The following R3HDML variants were observed in gnomAD, a reference collection of about 807,000 sequenced individuals.
The protein encoded by R3HDML is R3H domain containing like.
A neutral mutation model predicts 24.2 loss-of-function variants in R3HDML; 21 were observed. The observed-to-expected ratio is 0.87, with a 90% confidence interval of 0.62 to 1.25. The LOEUF is 1.25. Among genes scored for constraint, R3HDML ranks in the 50% most tolerant of loss-of-function variants. R3HDML has a pLI of 0.00. For missense variants in R3HDML, 301 were observed against 340.3 expected (o/e 0.88, Z 0.91); for synonymous variants, 133 against 131.5 (o/e 1.01, Z -0.08).
chr20:44,339,579 ATGTGTGTG>A (rs140076477), intron 1 of R3HDML, among the ~76,000 whole-genome samples: 13 of 147,914 alleles, frequency 8.8e-5, no homozygotes, highest in Non-Finnish European at 1.8e-4. Flanking sequence ...GCCTATATAT[ATGTGTGTG>A]TGTGTGTGTG....
intron 3 of R3HDML, chr20:44,345,017 ATG>A (rs1292008302): frequency 2.9e-5 from 15 of 522,636 alleles, no homozygotes; most frequent in African/African-American, 2.5e-4. Context: ...AATTGTGTGT[ATG>A]TGTGTGTCTG....
intron 2 of R3HDML, 99 bp downstream of exon 2, chr20:44,341,413 G>C: frequency 1.1e-6 from 1 of 952,238 alleles, no homozygotes. Context: ...GGGATACAGT[G>C]GCGAGCAAGG....
intron 1 of R3HDML, 145 bp from the exon 2 acceptor site, chr20:44,341,051 C>T (rs1046322753): frequency 1.2e-5 from 8 of 646,702 alleles, no homozygotes; most frequent in Non-Finnish European, 2.2e-5. Context: ...AGCTGAGCCT[C>T]AGTCTTCTAC....
intron 4 of R3HDML, among the ~76,000 whole-genome samples, chr20:44,349,797 C>T (rs1314089918): frequency 6.6e-6 from 1 of 152,092 alleles, no homozygotes; most frequent in East Asian, 1.9e-4. Context: ...AGGCTGGGCG[C>T]GGTGGCTCAC....
At chr20:44,341,662 A>T (rs1428581081) in intron 2 of R3HDML, among the ~76,000 whole-genome samples, 2 of 152,172 alleles carry the variant, frequency 1.3e-5, no homozygotes, top group African/African-American at 4.8e-5. Flanking sequence ...AGGTGGGCAG[A>T]TCACTTCAGG....
chr20:44,350,720 C>A lies in R3HDML; in HGVS notation c.690C>A (p.Pro230=). 1 of 1,614,048 alleles carries A rather than the reference C, an allele frequency of 6.2e-7. No homozygotes were observed. Among genetic ancestry groups the A allele is most frequent in the African/African-American group, 1.3e-5 (1 of 75,008 alleles). Residue 230 remains proline (P), a synonymous_variant, in exon 5 of 5, where the codon CCC becomes CCA. Coordinates refer to ENST00000217043, the MANE Select transcript of R3HDML (RefSeq NM_178491.4). ...GAAAGCCGTGCTCCTCCTGTCCCCC[C>A]AGTTATCAAGGCAGCTGCAATAGCA... ...KMGKPCSSCP[P]SYQGSCNSNM... is the part of the protein sequence containing the mutation.
chr20:44,343,479 C>T lies in R3HDML; in HGVS notation c.483C>T (p.Cys161=), dbSNP rs369862271. 6.3e-5 allele frequency: 102 copies of T among 1,611,998 alleles called. 2 individuals are homozygous for T. The South Asian group carries it at 9.4e-4, about 15-fold the overall frequency. Residue 161 remains cysteine, a synonymous_variant, in exon 3 of 5, where the codon TGC becomes TGT. Transcript: ENST00000217043. Reference sequence around the variant, plus strand: ...GTAACCCACACTGCCCCTGGCGCTGCGATGGCCCCACCTGCTCCCATTATA... The same window carrying T: ...GTAACCCACACTGCCCCTGGCGCTGTGATGGCCCCACCTGCTCCCATTATA... ...RDCNPHCPWR[C]DGPTCSHYTQ... is the part of the protein sequence containing the mutation.
In R3HDML at chr20:44,337,162, C is replaced by T; in HGVS notation, c.5C>T (p.Pro2Leu). 6.2e-7 allele frequency: 1 copy of T among 1,612,364 alleles called. No homozygotes were observed. The change falls in exon 1 of 5, where the codon CCC (proline) becomes CTC (leucine). Residue 2 changes from proline (P) to leucine (L), a missense_variant. By Grantham distance (98) the Pro-to-Leu change is moderately conservative (BLOSUM62 -3). Transcript: ENST00000217043. This position sits in a 1 kb window ranked among gnomAD's most constrained non-coding sequence, Gnocchi z 4.7. M[P>L]LLPSTVGLAG... is the part of the protein sequence containing the mutation. ...CTGTGACTCCTCCATCCAGCTATGC[C>T]CCTGCTGCCCAGCACCGTGGGCCTG...
intron 4 of R3HDML, 47 bp downstream of exon 4, chr20:44,345,425 G>A (rs2062783861): frequency 2.2e-6 from 3 of 1,346,470 alleles, no homozygotes; most frequent in Non-Finnish European, 3.1e-6. Context: ...CCGGCGGGTG[G>A]GTCCTGAGAA....
chr20:44,341,109 C>T (rs1488294201), intron 1 of R3HDML, 87 bp from the exon 2 acceptor site: 39 of 1,097,742 alleles, frequency 3.6e-5, no homozygotes, highest in Admixed American at 6.1e-5. Flanking sequence ...GGGGTAGAAA[C>T]GGCACCAGGT....
intron 4 of R3HDML, chr20:44,347,445 C>G (rs556871052): frequency 2.0e-5 from 3 of 152,058 alleles, no homozygotes; most frequent in Non-Finnish European, 4.4e-5. Context: ...GTCTTGAACT[C>G]CTGGCCTCAA....
chr20:44,344,173 C>T (rs140097268), intron 3 of R3HDML, among the ~76,000 whole-genome samples: 7 of 151,850 alleles, frequency 4.6e-5, no homozygotes, highest in East Asian at 1.9e-4. Context: ...CTCAGCTACT[C>T]GGGAGGCTGA....
At chr20:44,342,970 C>T (rs1281517496) in intron 2 of R3HDML, among the ~76,000 whole-genome samples, 2 of 152,030 alleles carry the variant, frequency 1.3e-5, no homozygotes, top group South Asian at 2.1e-4. Flanking sequence ...AAGAAAAAGC[C>T]CTCAGGTCCT....
intron 4 of R3HDML, among the ~76,000 whole-genome samples, chr20:44,346,934 G>T (rs2062788780): frequency 6.6e-6 from 1 of 152,216 alleles, no homozygotes; most frequent in Non-Finnish European, 1.5e-5. Context: ...CTGAGGTTAG[G>T]AGTTTGAGAC....
rs372549196 is a variant in R3HDML at position 44,345,260 on chromosome 20, C to T, written c.514-3C>T. On this transcript the variant is annotated splice_region_variant and splice_polypyrimidine_tract_variant and intron_variant, in intron 3 of 4. Transcript: ENST00000217043. ...AGCCCCCTCTGTCTCTGTCCTTCACCAGATGGTGTGGGCATCCTCCAATCG... is the reference window on the plus strand; with the variant it reads ...AGCCCCCTCTGTCTCTGTCCTTCACTAGATGGTGTGGGCATCCTCCAATCG... 4.3e-6 allele frequency: 7 copies of T among 1,612,934 alleles called. No individual in the cohort carries two copies. Among genetic ancestry groups the T allele is most frequent in the Non-Finnish European group, 5.9e-6 (7 of 1,179,024 alleles).
At chr20:44,343,588 A>G in intron 3 of R3HDML, 79 bp downstream of exon 3, 1 of 1,406,636 alleles carries the variant, frequency 7.1e-7, no homozygotes, top group Non-Finnish European at 9.5e-7. Context: ...GTGGAGCAGA[A>G]ATAAGAATGC....
rs773841638 is a variant in R3HDML, at chr20:44,350,702, G to A, written c.672G>A (p.Pro224=). The part of the protein sequence containing the change: ...IGESPYKMGK[P]CSSCPPSYQG... ...AGTCCCCGTACAAGATGGGAAAGCC[G>A]TGCTCCTCCTGTCCCCCCAGTTATC... Residue 224 remains proline, a synonymous_variant, in exon 5 of 5, where the codon CCG becomes CCA. Coordinates refer to ENST00000217043, the MANE Select transcript of R3HDML (RefSeq NM_178491.4). The A allele has an allele frequency of 3.5e-5, 57 of 1,613,832 alleles. No individual in the cohort carries two copies. The highest frequency in any genetic ancestry group is 4.4e-5 in the Non-Finnish European group (52 of 1,180,018).
At chr20:44,340,498 C>T (rs111737191) in intron 1 of R3HDML, among the ~76,000 whole-genome samples, 23 of 152,284 alleles carry the variant, frequency 1.5e-4, no homozygotes, top group African/African-American at 4.6e-4. Flanking sequence ...ACTACAAGGC[C>T]GGGTGCGATC....
chr20:44,348,942 G>A (rs1194940189), intron 4 of R3HDML, among the ~76,000 whole-genome samples: 4 of 152,032 alleles, frequency 2.6e-5, no homozygotes, highest in Admixed American at 6.6e-5. Flanking sequence ...CCTGAGGTCA[G>A]GAGGTCGAGA....
Sources: gnomAD v4.1 joint callset for allele counts (sites outside exome capture counted in the v4.1 genomes callset) on GRCh38, gnomAD v4.1.1 for gene constraint, Gnocchi (gnomAD v3.1) non-coding constraint, MANE v1.5 for transcripts, NCBI Gene and HGNC (gene_info 2026-07-23, HGNC 2026-07-21) for gene names.